Variants in PAICS observed in about 807,000 individuals in gnomAD.
PAICS encodes phosphoribosylaminoimidazole carboxylase and phosphoribosylaminoimidazolesuccinocarboxamide synthase, also known as bifunctional phosphoribosylaminoimidazole carboxylase/phosphoribosylaminoimidazole succinocarboxamide synthetase.
A neutral mutation model predicts 53.7 loss-of-function variants in PAICS; 33 were observed. The ratio of observed to expected loss-of-function variants is 0.61; its 90% CI spans 0.47 to 0.82. The LOEUF is 0.82. Among genes scored for constraint, PAICS ranks in the 40% least tolerant of loss-of-function variants. The pLI is 0.00. For synonymous variants in PAICS, 141 were observed against 167.2 expected (o/e 0.84, Z 1.21); for missense variants, 394 against 494.1 (o/e 0.80, Z 1.92).
the PAICS span, among the ~76,000 whole-genome samples, chr4:56,429,630 C>A: frequency 1.3e-5 from 2 of 152,288 alleles, no homozygotes; most frequent in East Asian, 3.9e-4. Flanking sequence ...CTAAAATAAT[C>A]CAGCTTTAAT....
the PAICS span, chr4:56,410,527 A>G: frequency 1.0e-6 from 1 of 986,698 alleles, no homozygotes; most frequent in Non-Finnish European, 1.2e-6. Context: ...TGGAGAGTGG[A>G]GCAGGAAAGC....
At chr4:56,416,378 A>C in the PAICS span, 3 of 897,768 alleles carry the variant, frequency 3.3e-6, no homozygotes, top group Non-Finnish European at 4.0e-6. Context: ...ATCAGTAGAT[A>C]AGGAAGATGT....
At chr4:56,448,082 A>T (rs1191014322) in intron 3 of PAICS, among the ~76,000 whole-genome samples, 1 of 141,164 alleles carries the variant, frequency 7.1e-6, no homozygotes, top group Non-Finnish European at 1.5e-5. Flanking sequence ...CTCTCAGCTC[A>T]CTGCAACCTC....
In PAICS at chr4:56,441,876, A is replaced by C. The variant is rs574233940; in HGVS notation, c.214+16A>C. On this transcript the variant is annotated intron_variant, in intron 2 of 8. Coordinates refer to ENST00000512576, the MANE Select transcript of PAICS (RefSeq NM_001079524.2). ...CAGGAAGCAGGTAAGCAGCTCCCTC[A>C]AAGTCTCTTCTCTCACCTTCTCTGG... The C allele has an allele frequency of 2.9e-4, 456 of 1,549,358 alleles. No individual in the cohort carries two copies. The highest frequency in any genetic ancestry group is 3.9e-4 in the Non-Finnish European group (439 of 1,138,000).
At chr4:56,443,788 C>T (rs562109279) in intron 2 of PAICS, among the ~76,000 whole-genome samples, 1 of 152,284 alleles carries the variant, frequency 6.6e-6, no homozygotes, top group East Asian at 1.9e-4. Flanking sequence ...GGACTTTCTG[C>T]TTTAATTCTG....
rs1719562640 is a variant in PAICS, at chr4:56,462,855, C to CAATAATACAAAAATAAAAATA, written c.*3317_*3318insAATAATACAAAAATAAAAATA. 2 of 152,078 alleles carry CAATAATACAAAAATAAAAATA rather than the reference C, an allele frequency of 1.3e-5. No homozygotes were observed. The highest frequency in any genetic ancestry group is 4.8e-5 in the African/African-American group (2 of 41,400). The allele number at this position is 152,078 out of a possible 1,614,324, so 9.4% of individuals were successfully genotyped here. ...GTCTCTAATAAAAATACAAAACTAG[C>CAATAATACAAAAATAAAAATA]CGGGCATGGTGGCACATTCCTGTAA... On this transcript the variant is annotated 3_prime_UTR_variant, in exon 9 of 9. Transcript: ENST00000512576.
At chr4:56,445,310 C>T (rs1016551786) in intron 2 of PAICS, among the ~76,000 whole-genome samples, 11 of 152,002 alleles carry the variant, frequency 7.2e-5, no homozygotes, top group Non-Finnish European at 1.2e-4. Context: ...ATAATACCTA[C>T]TTCAAGGCCA....
At chr4:56,420,016 G>A in the PAICS span, 1 of 985,082 alleles carries the variant, frequency 1.0e-6, no homozygotes, top group South Asian at 4.7e-5. Flanking sequence ...GTCACAGAAT[G>A]TGCCAACGTA....
chr4:56,438,371 T>TTTTATATATA (rs869127756), intron 1 of PAICS, among the ~76,000 whole-genome samples: 6 of 113,636 alleles, frequency 5.3e-5, no homozygotes, highest in Admixed American at 8.5e-5. Context: ...TGCAATGTGT[T>TTTTATATATA]TATATATATA....
At position 56,440,420 on chromosome 4, in the gene PAICS, A is replaced by C. The variant is rs78008326; in HGVS notation, c.17-1243A>C. Among the ~76,000 whole-genome samples the C allele has an allele frequency of 3.8e-3, 583 of 152,332 alleles. 5 individuals carry two copies. The highest frequency in any genetic ancestry group is 0.013 in the African/African-American group (535 of 41,580). ...ACTACTTTGTTTAATGGTTACCTCC[A>C]CTAGCTGGTGATGTGGCCCCTGTCC... On this transcript the variant is annotated intron_variant, in intron 1 of 8. Coordinates refer to ENST00000512576, the MANE Select transcript of PAICS (RefSeq NM_001079524.2).
chr4:56,450,763 T>TA lies in PAICS; in HGVS notation c.771+61_771+62insA. 7 of 849,206 alleles carry TA rather than the reference T, an allele frequency of 8.2e-6. No individual in the cohort carries two copies. In the Admixed American group the frequency reaches 1.2e-4, roughly 15 times the overall value. The allele number at this position is 849,206 out of a possible 1,614,324, so 52.6% of individuals were successfully genotyped here. On this transcript the variant is annotated intron_variant, in intron 6 of 8. Coordinates refer to ENST00000512576, the MANE Select transcript of PAICS (RefSeq NM_001079524.2). ...GTTTTTCTTCTAAGAAAATCTTGTT[T>TA]CAAAAGAAAAAAAAATGGGAGAGTA...
the PAICS span, among the ~76,000 whole-genome samples, chr4:56,417,853 T>G: frequency 7.5e-4 from 113 of 151,202 alleles, no homozygotes; most frequent in African/African-American, 2.7e-3. Flanking sequence ...TTTTTTTTTT[T>G]TTTTTTGAGA....
chr4:56,420,541 T>TCAAA, the PAICS span: 1 of 152,178 alleles, frequency 6.6e-6, no homozygotes, highest in Non-Finnish European at 1.5e-5. Flanking sequence ...TAGTATACAT[T>TCAAA]TGATCTTCCC....
chr4:56,453,561 T>A (rs758815876), intron 7 of PAICS, 42 bp from the exon 8 acceptor site: 1 of 1,403,438 alleles, frequency 7.1e-7, no homozygotes, highest in Admixed American at 2.1e-5. Context: ...TTTAAATCTG[T>A]TTTGAATGTT....
chr4:56,418,626 CCTTT>C, the PAICS span, among the ~76,000 whole-genome samples: 1 of 152,100 alleles, frequency 6.6e-6, no homozygotes, highest in Non-Finnish European at 1.5e-5. Context: ...GCCAAAAATT[CCTTT>C]CTTTAATAAT....
intron 2 of PAICS, among the ~76,000 whole-genome samples, chr4:56,442,854 A>G (rs747290069): frequency 2.9e-4 from 44 of 152,208 alleles, no homozygotes; most frequent in Non-Finnish European, 5.6e-4. Flanking sequence ...AAGGTAATGT[A>G]ATTTAAATAC....
At chr4:56,415,190 C>T in the PAICS span, among the ~76,000 whole-genome samples, 1 of 152,080 alleles carries the variant, frequency 6.6e-6, no homozygotes, top group Admixed American at 6.6e-5. Context: ...AAATACAATG[C>T]TACTTTTGTT....
chr4:56,459,145 T>C (rs1719372100), intron 8 of PAICS, among the ~76,000 whole-genome samples: 1 of 152,232 alleles, frequency 6.6e-6, no homozygotes, highest in African/African-American at 2.4e-5. Flanking sequence ...AGATGATATA[T>C]ATAAAATATC....
intron 8 of PAICS, among the ~76,000 whole-genome samples, chr4:56,455,221 G>A (rs551035734): frequency 6.6e-6 from 1 of 152,180 alleles, no homozygotes; most frequent in Non-Finnish European, 1.5e-5. Flanking sequence ...ACTGGATCAC[G>A]TAACAGTGTT....
Sources: gnomAD v4.1 joint callset for allele counts (sites outside exome capture counted in the v4.1 genomes callset) on GRCh38, gnomAD v4.1.1 for gene constraint, MANE v1.5 for transcripts, NCBI Gene and HGNC (gene_info 2026-07-23, HGNC 2026-07-21) for gene names.